Variants in CDK8 observed in about 807,000 individuals in gnomAD.
The protein encoded by CDK8 is cyclin dependent kinase 8.
CDK8 carries 29 observed loss-of-function variants against 71.5 expected under a neutral mutation model. The ratio of observed to expected loss-of-function variants is 0.41; its 90% CI spans 0.30 to 0.55. The LOEUF (loss-of-function observed/expected upper bound fraction) is 0.55, where lower values mean the gene tolerates loss of function less well. Among genes scored for constraint, CDK8 ranks in the 20% least tolerant of loss-of-function variants. The probability of loss-of-function intolerance (pLI) is 0.37; values close to 1 mark genes in which losing one functional copy is unlikely to be tolerated. For missense variants in CDK8, 288 were observed against 572.6 expected, an observed-to-expected ratio of 0.50 and a Z score of 5.07; for synonymous variants, 161 against 192.1, an observed-to-expected ratio of 0.84 and a Z score of 1.34.
At position 26,401,717 on chromosome 13, in the gene CDK8, C is replaced by A; in HGVS notation, c.1269+93C>A. On this transcript the variant is annotated intron_variant, in intron 12 of 12. Coordinates refer to ENST00000381527, the MANE Select transcript of CDK8 (RefSeq NM_001260.3). This position sits in a 1 kb window ranked among gnomAD's most constrained non-coding sequence, Gnocchi z 4.5. ...ATGTGATTTAATTGAGAAATACTGA[C>A]GTCTGTATACCCAGGGAAATACATT... 8.0e-7 allele frequency: 1 copy of A among 1,251,798 alleles called. No individual in the cohort carries two copies. The allele number at this position is 1,251,798 out of a possible 1,614,324, so 77.5% of individuals were successfully genotyped here. A position where few individuals can be genotyped will look rare whatever the true frequency, so the allele number is the denominator to read the frequency against.
chr13:26,278,825 G>A (rs1872643234), intron 1 of CDK8, among the ~76,000 whole-genome samples: 1 of 152,148 alleles, frequency 6.6e-6, no homozygotes, highest in Admixed American at 6.5e-5. Context: ...GATTGAAAGT[G>A]TTCTGTAGTT....
intron 1 of CDK8, among the ~76,000 whole-genome samples, chr13:26,271,446 T>A (rs962095434): frequency 6.6e-6 from 1 of 152,118 alleles, no homozygotes; most frequent in African/African-American, 2.4e-5. Context: ...TGTAACACAG[T>A]GGTTAGTATT....
intron 6 of CDK8, among the ~76,000 whole-genome samples, chr13:26,392,707 A>G (rs1216010503): frequency 1.3e-5 from 2 of 152,040 alleles, no homozygotes; most frequent in Non-Finnish European, 2.9e-5. Flanking sequence ...GCAAAATCTG[A>G]TACTGCTTAT....
At chr13:26,304,121 C>G (rs1873933729) in intron 1 of CDK8, among the ~76,000 whole-genome samples, 1 of 151,666 alleles carries the variant, frequency 6.6e-6, no homozygotes, top group Non-Finnish European at 1.5e-5. Flanking sequence ...AAAAATTAGC[C>G]AGGTGTGGTG....
chr13:26,359,611 T>C (rs6491119), intron 4 of CDK8: 16,118 of 221,964 alleles, frequency 0.073, 2,669 homozygotes, highest in African/African-American at 0.35. Flanking sequence ...TTAAAACACA[T>C]GGGCAAGGGC....
At chr13:26,349,551 A>G (rs1016566709) in intron 3 of CDK8, among the ~76,000 whole-genome samples, 1 of 152,204 alleles carries the variant, frequency 6.6e-6, no homozygotes, top group Non-Finnish European at 1.5e-5. Context: ...GGAACATAAA[A>G]TGAGAAGGTG....
At chr13:26,328,594 A>G (rs1361478084) in intron 1 of CDK8, among the ~76,000 whole-genome samples, 7 of 152,212 alleles carry the variant, frequency 4.6e-5, no homozygotes. Context: ...TTTTGAGAGG[A>G]CCAAAGGTCT....
intron 4 of CDK8, 32 bp downstream of exon 4, chr13:26,353,912 A>G: frequency 4.4e-6 from 7 of 1,593,806 alleles, no homozygotes; most frequent in Non-Finnish European, 6.0e-6. Flanking sequence ...TTAAACTAGA[A>G]AGATGCATTA....
At chr13:26,281,758 T>A (rs1033212381) in intron 1 of CDK8, among the ~76,000 whole-genome samples, 1 of 151,422 alleles carries the variant, frequency 6.6e-6, no homozygotes, top group African/African-American at 2.4e-5. Flanking sequence ...AAGATATGGA[T>A]GAAAAATGCT....
chr13:26,382,767 G>A, intron 4 of CDK8, 47 bp from the exon 5 acceptor site: 1 of 1,171,618 alleles, frequency 8.5e-7, no homozygotes, highest in South Asian at 1.4e-5. Context: ...CTATTTAAAA[G>A]AAACCACTAC....
intron 1 of CDK8, among the ~76,000 whole-genome samples, chr13:26,255,664 C>T (rs2137844650): frequency 6.6e-6 from 1 of 152,180 alleles, no homozygotes; most frequent in South Asian, 2.1e-4. Context: ...TTTATTAACT[C>T]CATGTTTTCT....
chr13:26,258,682 T>C (rs1871638411), intron 1 of CDK8, among the ~76,000 whole-genome samples: 1 of 152,184 alleles, frequency 6.6e-6, no homozygotes, highest in Non-Finnish European at 1.5e-5. Flanking sequence ...GGTTTCAGCA[T>C]ATAATTTTTA....
At chr13:26,350,205 C>G (rs1873628947) in intron 3 of CDK8, among the ~76,000 whole-genome samples, 1 of 152,164 alleles carries the variant, frequency 6.6e-6, no homozygotes, top group African/African-American at 2.4e-5. Flanking sequence ...CTGTATTGTA[C>G]TTACTTGAAT....
intron 1 of CDK8, among the ~76,000 whole-genome samples, chr13:26,275,516 G>A (rs1316431985): frequency 6.6e-6 from 1 of 152,086 alleles, no homozygotes; most frequent in African/African-American, 2.4e-5. Context: ...GCACCTGTAC[G>A]TCTCATGTAA....
At chr13:26,383,843 T>TTAA (rs1355599968) in intron 5 of CDK8, among the ~76,000 whole-genome samples, 2 of 152,208 alleles carry the variant, frequency 1.3e-5, no homozygotes, top group Admixed American at 1.3e-4. Context: ...TTGATGTGCC[T>TTAA]TAACATACTC....
At chr13:26,365,892 C>T (rs536163674) in intron 4 of CDK8, among the ~76,000 whole-genome samples, 3 of 152,024 alleles carry the variant, frequency 2.0e-5, no homozygotes, top group African/African-American at 4.8e-5. Context: ...TGGACTTTCA[C>T]ATTAGCAAAA....
chr13:26,286,599 T>C (rs1422793400), intron 1 of CDK8, among the ~76,000 whole-genome samples: 1 of 152,194 alleles, frequency 6.6e-6, no homozygotes, highest in Non-Finnish European at 1.5e-5. Context: ...GGGCATTGGC[T>C]CAGATAAGGA....
At chr13:26,311,651 G>A (rs1220039399) in intron 1 of CDK8, among the ~76,000 whole-genome samples, 2 of 152,138 alleles carry the variant, frequency 1.3e-5, no homozygotes, top group Admixed American at 1.3e-4. Flanking sequence ...AGGCAGCGGG[G>A]CCATGTGATT....
At chr13:26,309,863 T>G (rs191439169) in intron 1 of CDK8, among the ~76,000 whole-genome samples, 54 of 152,308 alleles carry the variant, frequency 3.5e-4, no homozygotes, top group Non-Finnish European at 6.6e-4. Context: ...CTTGGCTCAC[T>G]GTACCCTCAG....
Sources: gnomAD v4.1 joint callset for allele counts (sites outside exome capture counted in the v4.1 genomes callset) on GRCh38, gnomAD v4.1.1 for gene constraint, Gnocchi (gnomAD v3.1) non-coding constraint, MANE v1.5 for transcripts, NCBI Gene and HGNC (gene_info 2026-07-23, HGNC 2026-07-21) for gene names.